ASAP1: variants seen among roughly 807,000 people sequenced by gnomAD.
ASAP1 encodes the protein ArfGAP with SH3 domain, ankyrin repeat and PH domain 1.
In ASAP1, 43 loss-of-function variants were observed where a neutral mutation model predicts 145.2. The ratio of observed to expected loss-of-function variants is 0.30; its 90% CI spans 0.23 to 0.38. The LOEUF is 0.38. ASAP1 is among the 10% of genes least tolerant of loss of function. The pLI, the probability that ASAP1 is intolerant of heterozygous loss-of-function variation, is 1.00. For synonymous variants in ASAP1, 546 were observed against 515.5 expected, an observed-to-expected ratio of 1.06 and a Z score of -0.80; for missense variants, 1,018 against 1,355.3, an observed-to-expected ratio of 0.75 and a Z score of 3.91.
Position 130,180,769 on chromosome 8 carries a change from A to G in ASAP1, c.642T>C (p.Phe214=). ...AEEMEKERRL[F]QLQMCEYLIK... ...TTCTTACTTCACACATTTGGAGCTG[A>G]AAGAGGCGCCTTTCCTTCTCCATTT... The change falls in exon 8 of 30, where the codon TTT becomes TTC. Residue 214 remains phenylalanine, a synonymous_variant. Coordinates refer to ENST00000518721, the MANE Select transcript of ASAP1 (RefSeq NM_018482.4). 6.2e-7 allele frequency: 1 copy of G among 1,612,574 alleles called. No homozygotes were observed. The highest frequency in any genetic ancestry group is 8.5e-7 in the Non-Finnish European group (1 of 1,179,544).
intron 1 of ASAP1, among the ~76,000 whole-genome samples, chr8:130,422,139 G>A (rs1396147848): frequency 6.6e-6 from 1 of 152,156 alleles, no homozygotes; most frequent in Non-Finnish European, 1.5e-5. Context: ...AGCTCATCAT[G>A]TAGACAAACC....
intron 2 of ASAP1, among the ~76,000 whole-genome samples, chr8:130,387,927 T>G (rs1294056009): frequency 6.6e-6 from 1 of 152,190 alleles, no homozygotes; most frequent in Non-Finnish European, 1.5e-5. Flanking sequence ...GAGCTTATAG[T>G]CTGGTGGGGG....
chr8:130,403,200 A>G (rs1828874097), intron 1 of ASAP1, among the ~76,000 whole-genome samples: 1 of 152,230 alleles, frequency 6.6e-6, no homozygotes, highest in Non-Finnish European at 1.5e-5. Flanking sequence ...CCTTAAAAAG[A>G]TAGCAATAAT....
intron 18 of ASAP1, among the ~76,000 whole-genome samples, chr8:130,122,961 C>A (rs2097568935): frequency 6.6e-6 from 1 of 152,240 alleles, no homozygotes; most frequent in African/African-American, 2.4e-5. Flanking sequence ...TGTGCTTGAG[C>A]ACTTGCTGTT....
chr8:130,412,347 G>A (rs975603245), intron 1 of ASAP1, among the ~76,000 whole-genome samples: 5 of 152,088 alleles, frequency 3.3e-5, no homozygotes, highest in African/African-American at 9.7e-5. Context: ...CCTTGCCATA[G>A]TGAGTGAGTG....
intron 3 of ASAP1, among the ~76,000 whole-genome samples, chr8:130,296,388 G>A (rs1368071276): frequency 2.0e-5 from 3 of 152,150 alleles, no homozygotes; most frequent in African/African-American, 4.8e-5. Flanking sequence ...CACAGAGCTC[G>A]GGCCACTGGA....
At chr8:130,155,582 C>A (rs1383878823) in intron 12 of ASAP1, among the ~76,000 whole-genome samples, 1 of 152,250 alleles carries the variant, frequency 6.6e-6, no homozygotes, top group South Asian at 2.1e-4. Context: ...GGTGGGCTCA[C>A]GTGATCTGCC....
intron 9 of ASAP1, among the ~76,000 whole-genome samples, chr8:130,177,769 C>A (rs1814066981): frequency 6.6e-6 from 1 of 152,088 alleles, no homozygotes; most frequent in African/African-American, 2.4e-5. Flanking sequence ...AGAGAAATAT[C>A]CTAGACAATA....
intron 1 of ASAP1, among the ~76,000 whole-genome samples, chr8:130,402,547 T>C (rs1200253487): frequency 1.3e-5 from 2 of 152,154 alleles, no homozygotes; most frequent in African/African-American, 2.4e-5. Context: ...AGGGAACAGC[T>C]TCAATATTTG....
At chr8:130,381,057 T>A (rs1407150102) in intron 2 of ASAP1, among the ~76,000 whole-genome samples, 3 of 152,168 alleles carry the variant, frequency 2.0e-5, no homozygotes, top group Non-Finnish European at 2.9e-5. Flanking sequence ...CTAATTTTTG[T>A]ATTTTTTTGG....
At chr8:130,270,547 T>TTGC (rs1266219194) in intron 3 of ASAP1, among the ~76,000 whole-genome samples, 10 of 152,262 alleles carry the variant, frequency 6.6e-5, no homozygotes, top group Admixed American at 5.2e-4. Context: ...TGCTCATATT[T>TTGC]TGCTCTATGT....
chr8:130,061,635 G>A (rs567920572), intron 27 of ASAP1, among the ~76,000 whole-genome samples: 16 of 152,182 alleles, frequency 1.1e-4, no homozygotes, highest in African/African-American at 3.6e-4. Flanking sequence ...GGTAGCAAAA[G>A]GCTTCTTCTA....
chr8:130,070,322 C>T lies in ASAP1; in HGVS notation c.2701+6026G>A, dbSNP rs200314915. On this transcript the variant is annotated intron_variant, in intron 27 of 29. Coordinates refer to ENST00000518721, the MANE Select transcript of ASAP1 (RefSeq NM_018482.4). ...AAAGTGCTGGGATTACAGGCGTGAG[C>T]CACCGTGCCCGGCCGACTGCATCTC... 2.6e-5 allele frequency among the ~76,000 whole-genome samples: 4 copies of T among 152,334 alleles called. No individual in the cohort carries two copies. In the East Asian group the frequency reaches 5.8e-4, roughly 22 times the overall value.
At chr8:130,241,956 CTT>C (rs1818552677) in intron 3 of ASAP1, among the ~76,000 whole-genome samples, 1 of 152,040 alleles carries the variant, frequency 6.6e-6, no homozygotes, top group Middle Eastern at 3.2e-3. Flanking sequence ...AACCACAACT[CTT>C]TGGAGCTAAA....
At chr8:130,216,625 C>T (rs1816945843) in intron 4 of ASAP1, among the ~76,000 whole-genome samples, 1 of 152,088 alleles carries the variant, frequency 6.6e-6, no homozygotes, top group Admixed American at 6.6e-5. Flanking sequence ...CAGTCTTGGA[C>T]CTTTCTTCTC....
chr8:130,153,073 G>A (rs2097649917), intron 12 of ASAP1, among the ~76,000 whole-genome samples: 1 of 151,264 alleles, frequency 6.6e-6, no homozygotes, highest in African/African-American at 2.4e-5. Context: ...ATAGAGTGGT[G>A]CAGTGGCATG....
chr8:130,339,729 G>A (rs920407194), intron 3 of ASAP1, among the ~76,000 whole-genome samples: 1 of 152,160 alleles, frequency 6.6e-6, no homozygotes, highest in African/African-American at 2.4e-5. Context: ...TGCCCTGAAG[G>A]TCAGTTGGCA....
At chr8:130,420,042 C>G (rs1829653087) in intron 1 of ASAP1, among the ~76,000 whole-genome samples, 1 of 151,872 alleles carries the variant, frequency 6.6e-6, no homozygotes, top group Non-Finnish European at 1.5e-5. Flanking sequence ...CCTCCCATCT[C>G]TGCTCCGCAA....
In ASAP1 at chr8:130,343,062, G is replaced by A. The variant is rs181137667; in HGVS notation, c.186+14955C>T. ...TAGTCATGGGAGGTTAAAATGTTCA[G>A]GCAAGGAAGAATGGAGGCACTACCT... On this transcript the variant is annotated intron_variant, in intron 3 of 29. Transcript: ENST00000518721. 1.4e-3 allele frequency among the ~76,000 whole-genome samples: 210 copies of A among 152,318 alleles called. 4 individuals carry two copies. The highest frequency in any genetic ancestry group is 1.4e-3 in the Non-Finnish European group (98 of 68,034).
Sources: allele counts gnomAD v4.1 joint callset (sites outside exome capture counted in the v4.1 genomes callset), GRCh38; gene constraint gnomAD v4.1.1; transcripts MANE v1.5; gene names NCBI Gene and HGNC (gene_info 2026-07-23, HGNC 2026-07-21).